WDPCP: variants seen among roughly 807,000 people sequenced by gnomAD.
WDPCP encodes WD repeat-containing and planar cell polarity effector protein fritz homolog.
A neutral mutation model predicts 93.1 loss-of-function variants in WDPCP; 71 were observed. That is an observed-to-expected ratio of 0.76 (90% CI 0.63 to 0.93). The LOEUF (loss-of-function observed/expected upper bound fraction) is 0.93, where lower values mean the gene tolerates loss of function less well. Among genes scored for constraint, WDPCP ranks in the 40% least tolerant of loss-of-function variants. The pLI, the probability that WDPCP is intolerant of heterozygous loss-of-function variation, is 0.00. For synonymous variants in WDPCP, 315 were observed against 315.0 expected (o/e 1.00, Z 0.00); for missense variants, 844 against 887.4 (o/e 0.95, Z 0.62).
chr2:63,654,915 A>G (rs1468882313), intron 2 of WDPCP, among the ~76,000 whole-genome samples: 1 of 152,034 alleles, frequency 6.6e-6, no homozygotes, highest in Non-Finnish European at 1.5e-5. Context: ...TGGGGGACTG[A>G]CTGTACTGGG....
At chr2:63,582,469 G>A (rs1708558091) in intron 1 of WDPCP, among the ~76,000 whole-genome samples, 1 of 152,084 alleles carries the variant, frequency 6.6e-6, no homozygotes. Context: ...CCAAAACAGC[G>A]CAAGAATCGA....
At chr2:63,178,839 AG>A (rs1221704999) in intron 14 of WDPCP, among the ~76,000 whole-genome samples, 6 of 152,214 alleles carry the variant, frequency 3.9e-5, no homozygotes, top group African/African-American at 1.4e-4. Flanking sequence ...ATGTAAACAT[AG>A]CCATAAACTT....
chr2:63,318,628 T>A (rs924716652), intron 12 of WDPCP, among the ~76,000 whole-genome samples: 1 of 151,384 alleles, frequency 6.6e-6, no homozygotes, highest in Non-Finnish European at 1.5e-5. Flanking sequence ...ATGGGTGGAG[T>A]TGGTGGCCAC....
intron 14 of WDPCP, among the ~76,000 whole-genome samples, chr2:63,240,195 T>A (rs1476986494): frequency 6.6e-6 from 1 of 152,162 alleles, no homozygotes; most frequent in Admixed American, 6.6e-5. Flanking sequence ...TTTTGTTTTT[T>A]ATAGACAGGG....
chr2:63,399,109 T>A (rs934037138), intron 10 of WDPCP, among the ~76,000 whole-genome samples: 5 of 152,174 alleles, frequency 3.3e-5, no homozygotes, highest in Admixed American at 6.6e-5. Context: ...AATTCCACAT[T>A]TAGATCTTTT....
chr2:63,542,370 T>C (rs1704812575), intron 1 of WDPCP, among the ~76,000 whole-genome samples: 1 of 152,164 alleles, frequency 6.6e-6, no homozygotes, highest in African/African-American at 2.4e-5. Flanking sequence ...GCAATTCAAA[T>C]TTCCTATCAC....
intron 12 of WDPCP, among the ~76,000 whole-genome samples, chr2:63,349,991 C>T (rs530604733): frequency 4.7e-4 from 72 of 151,934 alleles, no homozygotes; most frequent in African/African-American, 1.5e-3. Flanking sequence ...TGTGCTTCTC[C>T]GTATGTTTAC....
At chr2:63,303,181 G>A (rs1249395521) in intron 13 of WDPCP, among the ~76,000 whole-genome samples, 2 of 152,142 alleles carry the variant, frequency 1.3e-5, no homozygotes, top group Non-Finnish European at 2.9e-5. Flanking sequence ...TCCAAGGCCT[G>A]CATTTATTTC....
chr2:63,740,578 T>A (rs966962378), intron 2 of WDPCP, among the ~76,000 whole-genome samples: 1 of 152,208 alleles, frequency 6.6e-6, no homozygotes, highest in African/African-American at 2.4e-5. Flanking sequence ...ATTATCTGTT[T>A]GTTTTTAAGC....
chr2:63,313,879 TATATA>T lies in WDPCP; in HGVS notation c.1749-573_1749-569del, dbSNP rs1432882812. 2.6e-3 allele frequency among the ~76,000 whole-genome samples: 189 copies of T among 73,384 alleles called. 5 individuals carry two copies. Among genetic ancestry groups the T allele is most frequent in the Non-Finnish European group, 4.3e-3 (135 of 31,324 alleles). The allele number at this position is 73,384 out of a possible 152,430, so 48.1% of individuals were successfully genotyped here. On this transcript the variant is annotated intron_variant, in intron 12 of 17. Coordinates refer to ENST00000272321, the MANE Select transcript of WDPCP (RefSeq NM_015910.7). ...ATATATATATATATATATATATATA[TATATA>T]TATTTTTTTTTTTTTGGAGATGGAG...
intron 12 of WDPCP, among the ~76,000 whole-genome samples, chr2:63,361,691 T>G (rs895986596): frequency 6.6e-6 from 1 of 152,212 alleles, no homozygotes; most frequent in Non-Finnish European, 1.5e-5. Context: ...CTAGCCTGAT[T>G]CTTTCATTTG....
At chr2:63,153,329 G>A (rs980368364) in intron 16 of WDPCP, among the ~76,000 whole-genome samples, 166 bp downstream of exon 16, 3 of 152,004 alleles carry the variant, frequency 2.0e-5, no homozygotes, top group Admixed American at 2.0e-4. Flanking sequence ...TTTCACCTTT[G>A]TAATAATCAG....
intron 2 of WDPCP, among the ~76,000 whole-genome samples, chr2:63,810,909 G>C (rs1000469859): frequency 2.6e-5 from 4 of 152,220 alleles, no homozygotes; most frequent in Non-Finnish European, 5.9e-5. Context: ...AGAAAAGCTG[G>C]ACTGATGTGC....
chr2:63,623,424 A>C (rs760667918), intron 3 of WDPCP, among the ~76,000 whole-genome samples: 1 of 152,162 alleles, frequency 6.6e-6, no homozygotes, highest in Non-Finnish European at 1.5e-5. Flanking sequence ...AGTGTGCTGT[A>C]TTCAGGAGAC....
chr2:63,424,263 T>TGGGGGGGGGGGGGGGGGGGGGGG (rs1575393530), intron 9 of WDPCP, among the ~76,000 whole-genome samples: 1 of 33,436 alleles, frequency 3.0e-5, no homozygotes, highest in South Asian at 1.2e-3. Context: ...GGGGCGGGGG[T>TGGGGGGGGGGGGGGGGGGGGGGG]GGGAGAGGGG....
chr2:63,639,569 G>A (rs1349128390), intron 3 of WDPCP, among the ~76,000 whole-genome samples: 1 of 152,104 alleles, frequency 6.6e-6, no homozygotes. Flanking sequence ...CCACTACCAT[G>A]GTAACCCACT....
intron 1 of WDPCP, among the ~76,000 whole-genome samples, chr2:63,503,557 T>C (rs1272936332): frequency 6.6e-6 from 1 of 152,166 alleles, no homozygotes; most frequent in African/African-American, 2.4e-5. Context: ...ATACCTACTT[T>C]TCTGATCTTC....
intron 11 of WDPCP, among the ~76,000 whole-genome samples, chr2:63,381,523 T>C (rs1330608298): frequency 6.6e-6 from 1 of 152,078 alleles, no homozygotes; most frequent in Non-Finnish European, 1.5e-5. Context: ...AATATTGATA[T>C]CTAATGTGAG....
At chr2:63,764,103 C>T (rs1302926869) in intron 2 of WDPCP, among the ~76,000 whole-genome samples, 2 of 152,084 alleles carry the variant, frequency 1.3e-5, no homozygotes, top group Non-Finnish European at 2.9e-5. Flanking sequence ...ACTTTGAGTA[C>T]ATTCACAATA....
Sources: gnomAD v4.1 joint callset for allele counts (sites outside exome capture counted in the v4.1 genomes callset) on GRCh38, gnomAD v4.1.1 for gene constraint, MANE v1.5 for transcripts, NCBI Gene and HGNC (gene_info 2026-07-23, HGNC 2026-07-21) for gene names.